SLC26A5: variants seen among roughly 807,000 people sequenced by gnomAD.
The protein encoded by SLC26A5 is prestin.
SLC26A5 carries 51 observed loss-of-function variants against 81.0 expected under a neutral mutation model. That is an observed-to-expected ratio of 0.63 (90% CI 0.50 to 0.80). SLC26A5 has a LOEUF of 0.80. Among genes scored for constraint, SLC26A5 ranks in the 30% least tolerant of loss-of-function variants. The pLI is 0.00. For missense variants in SLC26A5, 771 were observed against 905.8 expected (o/e 0.85, Z 1.91); for synonymous variants, 325 against 332.8 (o/e 0.98, Z 0.25).
chr7:103,441,162 C>T (rs1042065323), intron 2 of SLC26A5, among the ~76,000 whole-genome samples: 1 of 152,180 alleles, frequency 6.6e-6, no homozygotes, highest in African/African-American at 2.4e-5. Context: ...AACCGACGTG[C>T]CTCTTACCCT....
intron 7 of SLC26A5, among the ~76,000 whole-genome samples, chr7:103,408,749 T>C (rs901481266): frequency 3.3e-5 from 5 of 152,130 alleles, no homozygotes; most frequent in Non-Finnish European, 7.4e-5. Flanking sequence ...AGTGCTGATG[T>C]TTGGGAAAGG....
intron 4 of SLC26A5, among the ~76,000 whole-genome samples, chr7:103,420,237 G>A (rs1825232763): frequency 6.9e-6 from 1 of 145,598 alleles, no homozygotes; most frequent in Admixed American, 6.9e-5. Flanking sequence ...CCCAAGCAGT[G>A]TACTGATCTG....
intron 2 of SLC26A5, 46 bp downstream of exon 2, chr7:103,443,037 C>T (rs1477825632): frequency 6.6e-6 from 1 of 152,356 alleles, no homozygotes; most frequent in East Asian, 1.9e-4. Flanking sequence ...ATTACTACCT[C>T]TGACCCACTC....
At chr7:103,378,094 T>G (rs534883456) in intron 17 of SLC26A5, among the ~76,000 whole-genome samples, 3 of 152,304 alleles carry the variant, frequency 2.0e-5, no homozygotes, top group Non-Finnish European at 4.4e-5. Context: ...CTAAAATAGT[T>G]CCATTAACTT....
intron 19 of SLC26A5, among the ~76,000 whole-genome samples, chr7:103,363,074 G>C: frequency 6.6e-6 from 1 of 152,138 alleles, no homozygotes; most frequent in East Asian, 1.9e-4. Context: ...GATTCCAGGC[G>C]TGAGCCACTG....
intron 14 of SLC26A5, among the ~76,000 whole-genome samples, chr7:103,381,361 C>A (rs1821770101): frequency 6.6e-6 from 1 of 150,622 alleles, no homozygotes; most frequent in Non-Finnish European, 1.5e-5. Flanking sequence ...ACACATCACC[C>A]CACATATCAC....
chr7:103,389,573 C>T, intron 12 of SLC26A5, 149 bp from the exon 13 acceptor site: 1 of 704,670 alleles, frequency 1.4e-6, no homozygotes, highest in South Asian at 1.5e-5. Flanking sequence ...GCCATGAACA[C>T]CTGGATTTTC....
rs975161560 is a variant in SLC26A5, at chr7:103,413,025, C to T, written c.380G>A (p.Gly127Glu). ...ACCTATGGATATGTGTCTGGAGGTT[C>T]CAAGAAAACAATACATGATAACAGG... ...FYPVIMYCFL[G>E]TSRHISIGPF... is the part of the protein sequence containing the mutation. The change falls in exon 5 of 20, where the codon GGA becomes GAA. Residue 127 changes from glycine (G) to glutamate (E), a missense_variant. Coordinates refer to ENST00000306312, the MANE Select transcript of SLC26A5 (RefSeq NM_198999.3). 1 of 1,611,860 alleles carries T rather than the reference C, an allele frequency of 6.2e-7. No homozygotes were observed. The highest frequency in any genetic ancestry group is 1.7e-5 in the Admixed American group (1 of 59,984).
At chr7:103,436,396 A>C (rs903478994) in intron 2 of SLC26A5, among the ~76,000 whole-genome samples, 1 of 152,168 alleles carries the variant, frequency 6.6e-6, no homozygotes, top group African/African-American at 2.4e-5. Context: ...ATTTTGTTAC[A>C]TGCTTCACAT....
intron 4 of SLC26A5, among the ~76,000 whole-genome samples, chr7:103,417,974 T>C (rs1825058561): frequency 6.6e-6 from 1 of 152,226 alleles, no homozygotes; most frequent in African/African-American, 2.4e-5. Context: ...ACCCCTGACC[T>C]CAGGTTATCC....
At chr7:103,401,984 C>T (rs10244880) in intron 8 of SLC26A5, among the ~76,000 whole-genome samples, 2,451 of 152,188 alleles carry the variant, frequency 0.016, 61 homozygotes, top group African/African-American at 0.056. Context: ...ATTTTCGCAT[C>T]GATATTCATC....
intron 19 of SLC26A5, chr7:103,362,583 C>A: frequency 6.9e-7 from 1 of 1,440,594 alleles, no homozygotes; most frequent in Admixed American, 2.2e-5. Flanking sequence ...CTCTGTCTCT[C>A]TCTTGTTTTC....
intron 8 of SLC26A5, among the ~76,000 whole-genome samples, chr7:103,399,544 G>C (rs1332108933): frequency 1.3e-5 from 2 of 152,100 alleles, no homozygotes; most frequent in Non-Finnish European, 2.9e-5. Flanking sequence ...TTATAATTTG[G>C]ATCAGACACC....
At chr7:103,419,233 G>A (rs577016130) in intron 4 of SLC26A5, among the ~76,000 whole-genome samples, 17 of 152,232 alleles carry the variant, frequency 1.1e-4, no homozygotes, top group African/African-American at 3.9e-4. Flanking sequence ...TGTTAGCACT[G>A]TGAGAAGACT....
intron 19 of SLC26A5, among the ~76,000 whole-genome samples, chr7:103,353,564 C>T (rs906259976): frequency 6.6e-6 from 1 of 152,160 alleles, no homozygotes; most frequent in African/African-American, 2.4e-5. Context: ...GCCTGGGCCT[C>T]CCAAAGTACT....
At position 103,421,353 on chromosome 7, in the gene SLC26A5, G is replaced by A; in HGVS notation, c.152+10C>T. 1 of 1,613,902 alleles carries A rather than the reference G, an allele frequency of 6.2e-7. No individual in the cohort carries two copies. ...ATACAATAACAGAAACAGGTTAAAA[G>A]GCAACGTACGTGAATGCCTGTTTCA... On this transcript the variant is annotated intron_variant, in intron 3 of 19. Coordinates refer to ENST00000306312, the MANE Select transcript of SLC26A5 (RefSeq NM_198999.3).
intron 11 of SLC26A5, 29 bp from the exon 12 acceptor site, chr7:103,390,535 C>T (rs1235214003): frequency 2.5e-6 from 4 of 1,585,476 alleles, no homozygotes; most frequent in Non-Finnish European, 3.5e-6. Context: ...ATGGAAGGGG[C>T]TTTTAGGAGA....
At chr7:103,421,655 T>G in intron 2 of SLC26A5, 88 bp from the exon 3 acceptor site, 2 of 895,572 alleles carry the variant, frequency 2.2e-6, no homozygotes, top group Middle Eastern at 6.4e-4. Context: ...GTGTTCCAAG[T>G]TCTTCTGAGG....
Position 103,408,037 on chromosome 7 carries a change from A to G in SLC26A5, c.736-34T>C, listed in dbSNP as rs775830603. 3.1e-6 allele frequency: 5 copies of G among 1,613,772 alleles called. No homozygotes were observed. The Admixed American group carries it at 6.7e-5, about 22-fold the overall frequency. On this transcript the variant is annotated intron_variant, in intron 7 of 19. Transcript: ENST00000306312. ...CAGTGAATGCTGGATGTTTACATCA[A>G]GAAATCGCCCCTGAGAGAGACAGAG...
Sources: gnomAD v4.1 joint callset for allele counts (sites outside exome capture counted in the v4.1 genomes callset) on GRCh38, gnomAD v4.1.1 for gene constraint, MANE v1.5 for transcripts, NCBI Gene and HGNC (gene_info 2026-07-23, HGNC 2026-07-21) for gene names.